Variants in CORIN observed in about 807,000 individuals in gnomAD.
CORIN encodes the protein atrial natriuretic peptide-converting enzyme.
Under a neutral mutation model 125.3 loss-of-function variants are expected in CORIN, and 117 were observed. The observed-to-expected ratio is 0.93, with a 90% CI of 0.80 to 1.09. The LOEUF (loss-of-function observed/expected upper bound fraction) is 1.09, where lower values mean the gene tolerates loss of function less well. Among genes scored for constraint, CORIN ranks in the 50% least tolerant of loss-of-function variants. The probability of loss-of-function intolerance (pLI) is 0.00; values close to 1 mark genes in which losing one functional copy is unlikely to be tolerated. For missense variants in CORIN, 1,253 were observed against 1,306.7 expected (o/e 0.96, Z 0.63); for synonymous variants, 450 against 466.4 (o/e 0.96, Z 0.45).
intron 14 of CORIN, among the ~76,000 whole-genome samples, chr4:47,643,787 G>A (rs1483204808): frequency 6.6e-6 from 1 of 151,912 alleles, no homozygotes; most frequent in Non-Finnish European, 1.5e-5. Context: ...TTCTTTAAGG[G>A]AGCCCGATTT....
intron 3 of CORIN, among the ~76,000 whole-genome samples, chr4:47,772,076 C>CATAGATAG (rs57915863): frequency 0.16 from 24,390 of 148,992 alleles, 1,950 homozygotes; most frequent in East Asian, 0.19. Context: ...TTTCACATTA[C>CATAGATAG]ATAGATAGAT....
intron 5 of CORIN, among the ~76,000 whole-genome samples, chr4:47,707,815 G>A (rs1378488542): frequency 6.6e-6 from 1 of 152,228 alleles, no homozygotes; most frequent in Non-Finnish European, 1.5e-5. Context: ...AGGGGCTAAA[G>A]AAGAGGGGAG....
chr4:47,614,506 T>G (rs1196680334), intron 19 of CORIN, among the ~76,000 whole-genome samples: 1 of 152,048 alleles, frequency 6.6e-6, no homozygotes, highest in African/African-American at 2.4e-5. Context: ...GCCCTTTACC[T>G]CCAATTTCTA....
At chr4:47,609,898 T>G (rs1309427549) in intron 19 of CORIN, among the ~76,000 whole-genome samples, 2 of 152,200 alleles carry the variant, frequency 1.3e-5, no homozygotes, top group African/African-American at 4.8e-5. Context: ...GGATAAGCCT[T>G]CCAGCTTCAT....
Position 47,837,740 on chromosome 4 carries a change from G to C in CORIN, c.63+147C>G, listed in dbSNP as rs1416085366. ...GGTGCAGGGCGCTGAGCGCGGAACT[G>C]TCAGAGCGGGAGCTCACCGGCGGCT... On this transcript the variant is annotated intron_variant, in intron 1 of 21. Coordinates refer to ENST00000273857, the MANE Select transcript of CORIN (RefSeq NM_006587.4). The C allele has an allele frequency of 9.9e-6, 8 of 806,234 alleles. No homozygotes were observed. The Admixed American group carries it at 1.4e-4, about 14-fold the overall frequency. 49.9% of individuals were successfully genotyped at this position (806,234 alleles called of 1,614,324 possible). A position where few individuals can be genotyped will look rare whatever the true frequency, so the allele number is the denominator to read the frequency against.
chr4:47,696,488 A>T (rs1309613591), intron 5 of CORIN, among the ~76,000 whole-genome samples: 1 of 152,234 alleles, frequency 6.6e-6, no homozygotes, highest in African/African-American at 2.4e-5. Flanking sequence ...CAAATAGAGC[A>T]TATATTCTAT....
At chr4:47,718,858 TA>T (rs1560518440) in intron 5 of CORIN, among the ~76,000 whole-genome samples, 1 of 152,182 alleles carries the variant, frequency 6.6e-6, no homozygotes, top group Non-Finnish European at 1.5e-5. Context: ...GTTGAGTCAT[TA>T]CCCACAACTC....
chr4:47,742,223 C>T (rs1728438771), intron 5 of CORIN, among the ~76,000 whole-genome samples: 1 of 151,902 alleles, frequency 6.6e-6, no homozygotes, highest in Non-Finnish European at 1.5e-5. Context: ...CTTCCTTAAT[C>T]TGACCAAGAG....
chr4:47,736,005 T>A (rs574887214), intron 5 of CORIN, among the ~76,000 whole-genome samples: 1 of 149,362 alleles, frequency 6.7e-6, no homozygotes, highest in Non-Finnish European at 1.5e-5. Flanking sequence ...CAAGAACTGA[T>A]ATGTTTTGAG....
At chr4:47,646,395 A>C (rs1360351895) in intron 13 of CORIN, among the ~76,000 whole-genome samples, 1 of 152,248 alleles carries the variant, frequency 6.6e-6, no homozygotes, top group East Asian at 1.9e-4. Context: ...ATCAATTAAT[A>C]AGAGAAATGA....
chr4:47,813,640 G>C (rs1732148240), intron 1 of CORIN, among the ~76,000 whole-genome samples: 1 of 152,154 alleles, frequency 6.6e-6, no homozygotes, highest in African/African-American at 2.4e-5. Context: ...GAAATGTGAA[G>C]ATTAATTCTG....
At chr4:47,600,890 G>A (rs907140768) in intron 20 of CORIN, among the ~76,000 whole-genome samples, 17 of 152,188 alleles carry the variant, frequency 1.1e-4, no homozygotes, top group Non-Finnish European at 7.3e-5. Context: ...GAGAGATATC[G>A]AAAAGCACAA....
At chr4:47,769,538 T>C (rs780255518) in intron 3 of CORIN, among the ~76,000 whole-genome samples, 16 of 152,076 alleles carry the variant, frequency 1.1e-4, no homozygotes, top group Non-Finnish European at 2.2e-4. Flanking sequence ...AGAATTCATA[T>C]GGAAACACAC....
chr4:47,600,230 G>A lies in CORIN; in HGVS notation c.2930C>T (p.Thr977Ile), dbSNP rs1208320842. ...RMICAGYESG[T>I]VDSCMGDSGG... ...GCAACTTACCATGCATGAATCAACT[G>A]TGCCAGACTCATAGCCAGCACATAT... The change falls in exon 21 of 22, where the codon ACA (threonine) becomes ATA (isoleucine). Residue 977 changes from threonine to isoleucine, a missense_variant. Transcript: ENST00000273857. 2.5e-6 allele frequency: 4 copies of A among 1,613,136 alleles called. No homozygotes were observed. In the South Asian group the frequency reaches 3.3e-5, roughly 13 times the overall value.
chr4:47,660,962 G>A (rs1724222449), intron 12 of CORIN, among the ~76,000 whole-genome samples: 1 of 152,204 alleles, frequency 6.6e-6, no homozygotes, highest in African/African-American at 2.4e-5. Flanking sequence ...TAAAGAAAAT[G>A]TGGTACATAT....
chr4:47,748,763 G>C (rs529712544), intron 4 of CORIN, among the ~76,000 whole-genome samples: 10 of 152,140 alleles, frequency 6.6e-5, no homozygotes, highest in African/African-American at 2.4e-4. Flanking sequence ...CCACAAAGCA[G>C]GCTTATATGG....
At chr4:47,834,264 A>C (rs1733252273) in intron 1 of CORIN, among the ~76,000 whole-genome samples, 1 of 152,196 alleles carries the variant, frequency 6.6e-6, no homozygotes, top group Non-Finnish European at 1.5e-5. Flanking sequence ...GTACAATATT[A>C]CTCAGCCTTA....
At position 47,680,282 on chromosome 4, in the gene CORIN, A is replaced by G. The variant is rs780352133; in HGVS notation, c.1022-31T>C. ...GAAATGAAAACTCACGAGGATGCAGAGAACCAGCATGACTAACAGGCAGGA... is the reference window on the plus strand; with the variant it reads ...GAAATGAAAACTCACGAGGATGCAGGGAACCAGCATGACTAACAGGCAGGA... On this transcript the variant is annotated intron_variant, in intron 7 of 21. Coordinates refer to ENST00000273857, the MANE Select transcript of CORIN (RefSeq NM_006587.4). 4.0e-6 allele frequency: 6 copies of G among 1,516,868 alleles called. No individual in the cohort carries two copies. In the East Asian group the frequency reaches 1.1e-4, roughly 29 times the overall value. The allele number at this position is 1,516,868 out of a possible 1,614,324, so 94.0% of individuals were successfully genotyped here.
At chr4:47,717,925 C>T (rs2109790383) in intron 5 of CORIN, among the ~76,000 whole-genome samples, 1 of 151,982 alleles carries the variant, frequency 6.6e-6, no homozygotes, top group South Asian at 2.1e-4. Context: ...CACACACAAC[C>T]CCATATCACA....
Sources: allele counts gnomAD v4.1 joint callset (sites outside exome capture counted in the v4.1 genomes callset), GRCh38; gene constraint gnomAD v4.1.1; transcripts MANE v1.5; gene names NCBI Gene and HGNC (gene_info 2026-07-23, HGNC 2026-07-21).